CFDP1: variants seen among roughly 807,000 people sequenced by gnomAD.
CFDP1 encodes heterochromatin-stabilizing protein CFDP1.
A neutral mutation model predicts 40.1 loss-of-function variants in CFDP1; 31 were observed. The observed-to-expected ratio is 0.77, with a 90% confidence interval of 0.58 to 1.04. CFDP1 has a LOEUF of 1.04. Ranked by LOEUF, CFDP1 falls within the 50% of genes least tolerant of loss-of-function variation. CFDP1 has a pLI of 0.00. For missense variants in CFDP1, 423 were observed against 343.4 expected, an observed-to-expected ratio of 1.23 and a Z score of -1.83; for synonymous variants, 167 against 120.0, an observed-to-expected ratio of 1.39 and a Z score of -2.56.
chr16:75,412,798 C>A, intron 2 of CFDP1, 44 bp from the exon 3 acceptor site: 1 of 1,490,870 alleles, frequency 6.7e-7, no homozygotes, highest in Non-Finnish European at 9.3e-7. Flanking sequence ...CAGCACAAAA[C>A]GATTTCAGTT....
intron 4 of CFDP1, among the ~76,000 whole-genome samples, chr16:75,398,751 G>C (rs247438): frequency 0.16 from 23,945 of 150,490 alleles, 2,038 homozygotes; most frequent in East Asian, 0.39. Flanking sequence ...GGCATCAGAC[G>C]TGGGAGTAAG....
chr16:75,296,688 G>A (rs1228990449), intron 6 of CFDP1, among the ~76,000 whole-genome samples: 1 of 152,260 alleles, frequency 6.6e-6, no homozygotes, highest in African/African-American at 2.4e-5. Flanking sequence ...GGCAGGTGCA[G>A]TCAGAGTTTA....
At chr16:75,373,623 G>C (rs1223453112) in intron 5 of CFDP1, among the ~76,000 whole-genome samples, 4 of 151,900 alleles carry the variant, frequency 2.6e-5, no homozygotes, top group African/African-American at 7.3e-5. Flanking sequence ...GTATTCAAAG[G>C]GTTTGCTTCC....
intron 6 of CFDP1, among the ~76,000 whole-genome samples, chr16:75,301,590 T>C (rs1454103839): frequency 1.4e-5 from 2 of 146,628 alleles, no homozygotes; most frequent in Admixed American, 6.9e-5. Flanking sequence ...TCTTTCTCTG[T>C]TGTCCAGGCT....
At chr16:75,304,515 G>C (rs1427820389) in intron 6 of CFDP1, among the ~76,000 whole-genome samples, 3 of 152,178 alleles carry the variant, frequency 2.0e-5, no homozygotes, top group African/African-American at 7.2e-5. Context: ...GGCCTGGGGT[G>C]CTGTCTGAGG....
chr16:75,385,577 G>A (rs2078890104), intron 5 of CFDP1, among the ~76,000 whole-genome samples: 2 of 152,038 alleles, frequency 1.3e-5, no homozygotes, highest in Middle Eastern at 3.2e-3. Flanking sequence ...AGTAGAAACT[G>A]CATAGTACAT....
intron 5 of CFDP1, among the ~76,000 whole-genome samples, chr16:75,362,077 C>A (rs552839807): frequency 1.3e-5 from 2 of 152,112 alleles, no homozygotes; most frequent in Non-Finnish European, 2.9e-5. Context: ...TTGCCGCAAT[C>A]GAATGCTTGC....
chr16:75,352,244 G>A (rs913462452), intron 5 of CFDP1, among the ~76,000 whole-genome samples: 2 of 151,884 alleles, frequency 1.3e-5, no homozygotes, highest in African/African-American at 4.8e-5. Flanking sequence ...GGGAAGGTGA[G>A]GCAGGAGAAT....
intron 5 of CFDP1, among the ~76,000 whole-genome samples, chr16:75,393,760 A>G (rs1269415155): frequency 1.8e-5 from 2 of 108,904 alleles, no homozygotes; most frequent in Non-Finnish European, 3.9e-5. Flanking sequence ...AAAAAAAAAA[A>G]AAAAAAAAAA....
intron 5 of CFDP1, among the ~76,000 whole-genome samples, chr16:75,338,497 C>G (rs913022424): frequency 1.3e-5 from 2 of 152,130 alleles, no homozygotes; most frequent in African/African-American, 4.8e-5. Flanking sequence ...GACTGGATTT[C>G]TGGTGACAAC....
chr16:75,382,124 A>G (rs998605721), intron 5 of CFDP1, among the ~76,000 whole-genome samples: 13 of 135,992 alleles, frequency 9.6e-5, no homozygotes, highest in African/African-American at 3.3e-4. Flanking sequence ...CTCAAAAAAG[A>G]AAAAAAAAAA....
intron 5 of CFDP1, among the ~76,000 whole-genome samples, chr16:75,375,585 A>C (rs551715575): frequency 4.2e-4 from 64 of 152,094 alleles, no homozygotes; most frequent in Non-Finnish European, 7.9e-4. Context: ...TCAGGTCAGG[A>C]GTTCAAGACC....
At chr16:75,381,344 A>T (rs2078850357) in intron 5 of CFDP1, 1 of 152,174 alleles carries the variant, frequency 6.6e-6, no homozygotes, top group Non-Finnish European at 1.5e-5. Context: ...GAAAGAATGT[A>T]AGACCCAGAA....
intron 1 of CFDP1, among the ~76,000 whole-genome samples, chr16:75,429,358 A>C (rs2079382263): frequency 6.6e-6 from 1 of 152,104 alleles, no homozygotes. Context: ...TCAAGGTCTC[A>C]TAAGAATGTT....
At chr16:75,382,351 G>T (rs1055933853) in intron 5 of CFDP1, among the ~76,000 whole-genome samples, 2 of 152,158 alleles carry the variant, frequency 1.3e-5, no homozygotes, top group Admixed American at 6.5e-5. Flanking sequence ...TCATTATGGT[G>T]TTAGAAGTTC....
chr16:75,355,948 T>C (rs72787117), intron 5 of CFDP1, among the ~76,000 whole-genome samples: 1 of 152,192 alleles, frequency 6.6e-6, no homozygotes, highest in Non-Finnish European at 1.5e-5. Context: ...ATACTTCTCA[T>C]AGTAGCTCTC....
intron 5 of CFDP1, among the ~76,000 whole-genome samples, chr16:75,394,224 G>A (rs1463893647): frequency 1.3e-5 from 2 of 152,160 alleles, no homozygotes; most frequent in African/African-American, 4.8e-5. Context: ...TCCATGGTAT[G>A]GGTCTATGTT....
intron 6 of CFDP1, among the ~76,000 whole-genome samples, chr16:75,298,501 C>T (rs1341633725): frequency 6.6e-6 from 1 of 152,248 alleles, no homozygotes; most frequent in Non-Finnish European, 1.5e-5. Flanking sequence ...ACAAAGCCAG[C>T]ATTCTGTTCC....
intron 5 of CFDP1, among the ~76,000 whole-genome samples, chr16:75,322,798 G>C (rs998249449): frequency 1.3e-5 from 2 of 151,930 alleles, no homozygotes; most frequent in African/African-American, 4.8e-5. Context: ...AAACACTTCT[G>C]GTCCCATGCA....
Sources: gnomAD v4.1 joint callset for allele counts (sites outside exome capture counted in the v4.1 genomes callset) on GRCh38, gnomAD v4.1.1 for gene constraint, MANE v1.5 for transcripts, NCBI Gene and HGNC (gene_info 2026-07-23, HGNC 2026-07-21) for gene names.